The following TSHZ2 variants were observed in gnomAD, a reference collection of about 807,000 sequenced individuals.
TSHZ2 encodes the protein teashirt homolog 2.
Under a neutral mutation model 74.4 loss-of-function variants are expected in TSHZ2, and 21 were observed. That is an observed-to-expected ratio of 0.28 (90% CI 0.20 to 0.41). The LOEUF is 0.41. TSHZ2 is among the 10% of genes least tolerant of loss of function. The pLI, the probability that TSHZ2 is intolerant of heterozygous loss-of-function variation, is 1.00. For missense variants in TSHZ2, 1,244 were observed against 1,293.5 expected, an observed-to-expected ratio of 0.96 and a Z score of 0.59; for synonymous variants, 540 against 515.3, an observed-to-expected ratio of 1.05 and a Z score of -0.65.
At chr20:53,101,655 T>C (rs966039375) in intron 1 of TSHZ2, among the ~76,000 whole-genome samples, 2 of 152,240 alleles carry the variant, frequency 1.3e-5, no homozygotes, top group Non-Finnish European at 2.9e-5. Context: ...TTTTATTATA[T>C]TCTATTGAGT....
intron 2 of TSHZ2, among the ~76,000 whole-genome samples, chr20:53,351,153 C>A (rs35201013): frequency 0.058 from 8,769 of 152,270 alleles, 298 homozygotes; most frequent in Non-Finnish European, 0.067. Context: ...AACTTTCATC[C>A]GCATCTGATC....
intron 2 of TSHZ2, among the ~76,000 whole-genome samples, chr20:53,426,333 T>C (rs1983654494): frequency 6.6e-6 from 1 of 152,158 alleles, no homozygotes; most frequent in African/African-American, 2.4e-5. Context: ...CTGTCCTCTC[T>C]CCCTAAGCAG....
intron 1 of TSHZ2, among the ~76,000 whole-genome samples, chr20:53,109,048 C>G (rs56061058): frequency 0.07 from 10,716 of 152,138 alleles, 448 homozygotes; most frequent in Non-Finnish European, 0.1. Flanking sequence ...CTTGAATTCC[C>G]ACCCTCTCAT....
intron 2 of TSHZ2, among the ~76,000 whole-genome samples, chr20:53,480,608 ATGATGG>A (rs1193200423): frequency 5.3e-5 from 8 of 152,028 alleles, no homozygotes; most frequent in Admixed American, 3.3e-4. Flanking sequence ...TGGGTGCAGG[ATGATGG>A]ACAACAGCAC....
At chr20:53,054,411 A>C (rs1473304862) in intron 1 of TSHZ2, among the ~76,000 whole-genome samples, 1 of 152,266 alleles carries the variant, frequency 6.6e-6, no homozygotes, top group Non-Finnish European at 1.5e-5. Context: ...CTCATTTAGC[A>C]GATTATTCTA....
At chr20:53,168,419 CAA>C (rs1259226140) in intron 1 of TSHZ2, among the ~76,000 whole-genome samples, 1 of 152,132 alleles carries the variant, frequency 6.6e-6, no homozygotes, top group East Asian at 1.9e-4. Context: ...AGTTAAACTC[CAA>C]AAGAGTTAAA....
intron 1 of TSHZ2, among the ~76,000 whole-genome samples, chr20:52,979,332 G>A (rs748669904): frequency 2.6e-5 from 4 of 152,212 alleles, no homozygotes; most frequent in Middle Eastern, 6.8e-3. Flanking sequence ...AGAGCCCAAC[G>A]GTTCACTGCT....
At chr20:53,002,986 G>A (rs1982494249) in intron 1 of TSHZ2, among the ~76,000 whole-genome samples, 1 of 152,120 alleles carries the variant, frequency 6.6e-6, no homozygotes, top group Admixed American at 6.5e-5. Context: ...GCTAACCAAT[G>A]ACTTCATAAT....
intron 1 of TSHZ2, among the ~76,000 whole-genome samples, chr20:53,010,634 CAT>C (rs1242074972): frequency 6.6e-6 from 1 of 152,032 alleles, no homozygotes; most frequent in Admixed American, 6.6e-5. Flanking sequence ...AACTGAGACA[CAT>C]GTCATGAGAG....
intron 2 of TSHZ2, among the ~76,000 whole-genome samples, chr20:53,338,805 G>C (rs894193477): frequency 6.6e-6 from 1 of 152,144 alleles, no homozygotes; most frequent in Non-Finnish European, 1.5e-5. Flanking sequence ...GGAGTACTGA[G>C]GGCGAGAAGT....
intron 2 of TSHZ2, among the ~76,000 whole-genome samples, chr20:53,430,490 G>A (rs1983804721): frequency 6.6e-6 from 1 of 151,998 alleles, no homozygotes; most frequent in Non-Finnish European, 1.5e-5. Context: ...ATAGTGCTGT[G>A]GCAGAAATCA....
chr20:53,445,276 C>T (rs1261969667), intron 2 of TSHZ2, among the ~76,000 whole-genome samples: 1 of 152,140 alleles, frequency 6.6e-6, no homozygotes, highest in Non-Finnish European at 1.5e-5. Context: ...CTTATTTATG[C>T]TTTAAACAAC....
At chr20:53,465,849 G>A (rs772543650) in intron 2 of TSHZ2, among the ~76,000 whole-genome samples, 3 of 151,838 alleles carry the variant, frequency 2.0e-5, no homozygotes, top group Non-Finnish European at 4.4e-5. Context: ...ACTCTTCTTA[G>A]GAAGAGGGTT....
chr20:53,064,447 A>G (rs558963791), intron 1 of TSHZ2, among the ~76,000 whole-genome samples: 64 of 151,996 alleles, frequency 4.2e-4, no homozygotes, highest in African/African-American at 1.5e-3. Context: ...TTTTTATGTT[A>G]CTGAATTAAG....
intron 1 of TSHZ2, among the ~76,000 whole-genome samples, chr20:53,066,341 G>C (rs1260620784): frequency 6.6e-6 from 1 of 152,066 alleles, no homozygotes; most frequent in Non-Finnish European, 1.5e-5. Context: ...GAGTCTGAAT[G>C]GCAAAGACTG....
At chr20:53,222,324 T>C (rs375714487) in intron 1 of TSHZ2, among the ~76,000 whole-genome samples, 7 of 152,280 alleles carry the variant, frequency 4.6e-5, no homozygotes, top group African/African-American at 1.7e-4. Flanking sequence ...TCAACATTCT[T>C]GCCTCTCTAC....
intron 1 of TSHZ2, among the ~76,000 whole-genome samples, chr20:53,143,978 T>C (rs1165919453): frequency 2.6e-5 from 4 of 152,124 alleles, no homozygotes; most frequent in Non-Finnish European, 4.4e-5. Flanking sequence ...TGGGGAGTGC[T>C]GATTGATAAG....
At chr20:53,041,091 A>T (rs990561733) in intron 1 of TSHZ2, among the ~76,000 whole-genome samples, 2 of 152,322 alleles carry the variant, frequency 1.3e-5, no homozygotes, top group Non-Finnish European at 2.9e-5. Context: ...ATTACCAGAC[A>T]GTGGACTGAA....
chr20:53,069,679 A>G (rs1985109766), intron 1 of TSHZ2, among the ~76,000 whole-genome samples: 1 of 70,336 alleles, frequency 1.4e-5, no homozygotes, highest in African/African-American at 4.7e-5. Flanking sequence ...ACACACACAC[A>G]CACACACACA....
Sources: gnomAD v4.1 joint callset for allele counts (sites outside exome capture counted in the v4.1 genomes callset) on GRCh38, gnomAD v4.1.1 for gene constraint, MANE v1.5 for transcripts, NCBI Gene and HGNC (gene_info 2026-07-23, HGNC 2026-07-21) for gene names.